ADAM10: variants seen among roughly 807,000 people sequenced by gnomAD.
ADAM10 encodes the protein ADAM metallopeptidase domain 10.
In ADAM10, 17 loss-of-function variants were observed where a neutral mutation model predicts 90.1. The observed-to-expected ratio is 0.19, with a 90% CI of 0.13 to 0.28. ADAM10 has a LOEUF of 0.28. Ranked by LOEUF, ADAM10 falls within the 10% of genes least tolerant of loss-of-function variation. The pLI, the probability that ADAM10 is intolerant of heterozygous loss-of-function variation, is 1.00. For missense variants in ADAM10, 610 were observed against 914.3 expected, an observed-to-expected ratio of 0.67 and a Z score of 4.29; for synonymous variants, 310 against 298.6, an observed-to-expected ratio of 1.04 and a Z score of -0.40.
chr15:58,731,002 T>A (rs923415104), intron 1 of ADAM10, among the ~76,000 whole-genome samples: 2 of 152,202 alleles, frequency 1.3e-5, no homozygotes, highest in African/African-American at 4.8e-5. Context: ...CTGCCTATCA[T>A]GGGACTTTTC....
chr15:58,618,044 C>A (rs1279541643), intron 11 of ADAM10, among the ~76,000 whole-genome samples: 1 of 152,056 alleles, frequency 6.6e-6, no homozygotes, highest in East Asian at 1.9e-4. Flanking sequence ...AGAAAACAAT[C>A]CTATAAGTCA....
intron 1 of ADAM10, among the ~76,000 whole-genome samples, chr15:58,731,261 A>G (rs1899226769): frequency 6.6e-6 from 1 of 152,206 alleles, no homozygotes; most frequent in Non-Finnish European, 1.5e-5. Flanking sequence ...TACTATGCTG[A>G]ATCCACACAA....
rs71425819 is a variant in ADAM10 at position 58,683,859 on chromosome 15, C to CAAA, written c.207-1548_207-1546dup. Among the ~76,000 whole-genome samples the CAAA allele has an allele frequency of 9.7e-3, 648 of 67,022 alleles. 42 individuals carry two copies. Among genetic ancestry groups the CAAA allele is most frequent in the African/African-American group, 0.033 (560 of 16,816 alleles). The allele number at this position is 67,022 out of a possible 152,430, so 44.0% of individuals were successfully genotyped here. A position where few individuals can be genotyped will look rare whatever the true frequency, so the allele number is the denominator to read the frequency against. On this transcript the variant is annotated intron_variant, in intron 2 of 15. Coordinates refer to ENST00000260408, the MANE Select transcript of ADAM10 (RefSeq NM_001110.4). ...TGGGTGACAAAGTGAGGCTCCATCT[C>CAAA]AAAAAAAAAAAAAAAAAAAAAAAAG...
intron 4 of ADAM10, among the ~76,000 whole-genome samples, chr15:58,677,557 C>A (rs1897325083): frequency 6.6e-6 from 1 of 151,944 alleles, no homozygotes; most frequent in Non-Finnish European, 1.5e-5. Context: ...TTAAACTACA[C>A]ACAAGTAGAT....
In ADAM10 at chr15:58,680,846, C is replaced by T. The variant is rs543633432; in HGVS notation, c.325+1350G>A. Among the ~76,000 whole-genome samples, 3 of 152,150 alleles carry T rather than the reference C, an allele frequency of 2.0e-5. No homozygotes were observed. In the East Asian group the frequency reaches 5.8e-4, roughly 29 times the overall value. Reference sequence around the variant, plus strand: ...GTTTTGTTTTCTTAAATAGACAGGGCCCCTCTCTGTCCCCCAGGCTATAGT... The same window carrying T: ...GTTTTGTTTTCTTAAATAGACAGGGTCCCTCTCTGTCCCCCAGGCTATAGT... On this transcript the variant is annotated intron_variant, in intron 3 of 15. Coordinates refer to ENST00000260408, the MANE Select transcript of ADAM10 (RefSeq NM_001110.4).
intron 1 of ADAM10, among the ~76,000 whole-genome samples, chr15:58,723,736 C>T (rs1487290442): frequency 6.6e-6 from 1 of 151,722 alleles, no homozygotes; most frequent in African/African-American, 2.4e-5. Context: ...TAAACTCACC[C>T]ACTTTATATC....
At chr15:58,731,978 T>C (rs1289886993) in intron 1 of ADAM10, among the ~76,000 whole-genome samples, 2 of 152,188 alleles carry the variant, frequency 1.3e-5, no homozygotes, top group African/African-American at 4.8e-5. Flanking sequence ...GACAGAAATC[T>C]TCTAGAAGGA....
At chr15:58,682,116 T>C in intron 3 of ADAM10, 80 bp downstream of exon 3, 1 of 1,580,298 alleles carries the variant, frequency 6.3e-7, no homozygotes, top group Non-Finnish European at 8.6e-7. Flanking sequence ...TTCTGAAATA[T>C]TTGCTTACAC....
At chr15:58,692,752 T>C (rs1224040475) in intron 2 of ADAM10, 2 of 596,076 alleles carry the variant, frequency 3.4e-6, no homozygotes, top group Non-Finnish European at 6.6e-6. Context: ...TTCTTCGTCA[T>C]TGTGCTTTGT....
intron 1 of ADAM10, among the ~76,000 whole-genome samples, chr15:58,725,970 T>C (rs1216710609): frequency 1.3e-5 from 2 of 152,166 alleles, no homozygotes; most frequent in Admixed American, 6.5e-5. Context: ...AAACCTACAC[T>C]GATGCAAATA....
At chr15:58,691,609 C>T in intron 2 of ADAM10, 1 of 459,364 alleles carries the variant, frequency 2.2e-6, no homozygotes, top group Non-Finnish European at 4.3e-6. Flanking sequence ...AATACCTCAT[C>T]TAATTTCTTG....
intron 1 of ADAM10, among the ~76,000 whole-genome samples, chr15:58,749,228 G>A (rs1003112841): frequency 1.3e-5 from 2 of 152,154 alleles, no homozygotes; most frequent in Non-Finnish European, 2.9e-5. Context: ...CCCGCCTCCC[G>A]GGGCCGCCAG....
chr15:58,597,720 A>G, intron 15 of ADAM10, 79 bp from the exon 16 acceptor site: 4 of 1,532,124 alleles, frequency 2.6e-6, no homozygotes, highest in South Asian at 1.2e-5. Flanking sequence ...TGCTGTTTCA[A>G]TAAGAAAGGT....
At chr15:58,694,306 C>T (rs1244748618) in intron 2 of ADAM10, among the ~76,000 whole-genome samples, 1 of 152,092 alleles carries the variant, frequency 6.6e-6, no homozygotes, top group Non-Finnish European at 1.5e-5. Context: ...CAACAATTAG[C>T]CAGGTGTGGT....
At chr15:58,627,148 T>C (rs1895971409) in intron 10 of ADAM10, among the ~76,000 whole-genome samples, 1 of 152,156 alleles carries the variant, frequency 6.6e-6, no homozygotes, top group African/African-American at 2.4e-5. Context: ...CTCAAAGCTG[T>C]ATACTGAGTT....
intron 5 of ADAM10, among the ~76,000 whole-genome samples, chr15:58,653,751 C>T (rs1896743850): frequency 6.6e-6 from 1 of 152,050 alleles, no homozygotes; most frequent in African/African-American, 2.4e-5. Flanking sequence ...GTTTTCCCTC[C>T]TCCTCTATTT....
intron 5 of ADAM10, among the ~76,000 whole-genome samples, chr15:58,655,711 G>GTGTATGTATATATATA (rs1212041296): frequency 1.9e-5 from 1 of 53,734 alleles, no homozygotes; most frequent in Non-Finnish European, 3.2e-5. Flanking sequence ...TATATATATA[G>GTGTATGTATATATATA]TATATATATA....
chr15:58,647,246 G>GCATTTT lies in ADAM10; in HGVS notation c.586-1043_586-1042insAAAATG, dbSNP rs1896569038. Among the ~76,000 whole-genome samples, 62 of 36,842 alleles carry GCATTTT rather than the reference G, an allele frequency of 1.7e-3. 1 individual carries two copies. The highest frequency in any genetic ancestry group is 4.6e-3 in the African/African-American group (62 of 13,592). 24.2% of individuals were successfully genotyped at this position (36,842 alleles called of 152,430 possible). ...CTTGGCAGCAAAGAGTAGACACTAAGTATTTTTTTTTTTTTTTTTTTTTTT... is the reference window on the plus strand; with the variant it reads ...CTTGGCAGCAAAGAGTAGACACTAAGCATTTTTATTTTTTTTTTTTTTTTTTTTTTT... On this transcript the variant is annotated intron_variant, in intron 5 of 15. Transcript: ENST00000260408.
intron 14 of ADAM10, among the ~76,000 whole-genome samples, chr15:58,604,395 G>A (rs571452016): frequency 1.4e-3 from 213 of 152,200 alleles, no homozygotes; most frequent in Non-Finnish European, 2.4e-3. Context: ...TAGCTCTGGC[G>A]TTATCTCCTT....
Sources: allele counts gnomAD v4.1 joint callset (sites outside exome capture counted in the v4.1 genomes callset), GRCh38; gene constraint gnomAD v4.1.1; transcripts MANE v1.5; gene names NCBI Gene and HGNC (gene_info 2026-07-23, HGNC 2026-07-21).